ACTA1: variants seen among roughly 807,000 people sequenced by gnomAD.
ACTA1 encodes actin, alpha skeletal muscle.
In ACTA1, 25 loss-of-function variants were observed where a neutral mutation model predicts 35.8. The ratio of observed to expected loss-of-function variants is 0.70; its 90% CI spans 0.51 to 0.97. The LOEUF is 0.97. ACTA1 is among the 50% of genes least tolerant of loss of function. The probability of loss-of-function intolerance (pLI) is 0.00; values close to 1 mark genes in which losing one functional copy is unlikely to be tolerated. For missense variants in ACTA1, 174 were observed against 533.0 expected (o/e 0.33, Z 6.63); for synonymous variants, 219 against 217.1 (o/e 1.01, Z -0.08).
At position 229,431,778 on chromosome 1, in the gene ACTA1, G is replaced by C; in HGVS notation, c.933C>G (p.Ile311Met). ...MSGGTTMYPG[I>M]ADRMQKEITA... ...TGATCTCTTTCTGCATGCGGTCAGC[G>C]ATCCCAGGGTACATCGTGGTGCCCC... is the stretch of plus-strand genomic sequence containing the variant. Residue 311 changes from isoleucine (I) to methionine (M), a missense_variant, in exon 6 of 7, where the codon ATC becomes ATG. Transcript: ENST00000366684. The surrounding 1 kb of genome is among the most constrained non-coding windows in gnomAD (Gnocchi z 7.1). 1 of 1,614,206 alleles carries C rather than the reference G, an allele frequency of 6.2e-7. No individual in the cohort carries two copies. Among genetic ancestry groups the C allele is most frequent in the Non-Finnish European group, 8.5e-7 (1 of 1,180,030 alleles).
intron 3 of ACTA1, 54 bp from the exon 4 acceptor site, chr1:229,432,485 C>T (rs1571893500): frequency 1.3e-6 from 2 of 1,533,634 alleles, no homozygotes; most frequent in African/African-American, 1.5e-5. Flanking sequence ...AGGCTAGGCT[C>T]TCAGCGCTAG....
At position 229,433,360 on chromosome 1, in the gene ACTA1, C is replaced by A. The variant is rs915907435; in HGVS notation, c.-12-233G>T. On this transcript the variant is annotated intron_variant, in intron 1 of 6. Coordinates refer to ENST00000366684, the MANE Select transcript of ACTA1 (RefSeq NM_001100.4). ...GAAAAGGGGCACAGGGTCGCGAGAC[C>A]CCACTGAGAAGTCCTCTGTCCACAT... Among the ~76,000 whole-genome samples, 27 of 152,164 alleles carry A rather than the reference C, an allele frequency of 1.8e-4. 1 individual carries two copies. Among genetic ancestry groups the A allele is most frequent in the South Asian group, 1.0e-3 (5 of 4,832 alleles).
intron 1 of ACTA1, 49 bp from the exon 2 acceptor site, chr1:229,433,176 G>C: frequency 1.2e-6 from 2 of 1,604,372 alleles, no homozygotes; most frequent in Admixed American, 3.4e-5. Context: ...CAGCGCAGAA[G>C]TCTCAGCGGC....
In ACTA1 at chr1:229,432,109, C is replaced by A; in HGVS notation, c.693G>T (p.Thr231=). Residue 231 remains threonine (T), a synonymous_variant, in exon 5 of 7, where the codon ACG becomes ACT. Transcript: ENST00000366684. ...TTTCCAGGGAGGAGGAGGAGGCGGC[C>A]GTCGCCATCTCGTTCTCGAAGTCCA... The part of the protein sequence containing the change: ...VALDFENEMA[T]AASSSSLEKS... 1 of 1,613,250 alleles carries A rather than the reference C, an allele frequency of 6.2e-7. No individual in the cohort carries two copies. Among genetic ancestry groups the A allele is most frequent in the Non-Finnish European group, 8.5e-7 (1 of 1,179,914 alleles).
chr1:229,432,514 G>C, intron 3 of ACTA1, 42 bp downstream of exon 3: 3 of 1,449,752 alleles, frequency 2.1e-6, no homozygotes, highest in Non-Finnish European at 1.9e-6. Context: ...GCGGGGGCGG[G>C]GGCGGGGGCG....
chr1:229,433,188 G>A (rs6667660), intron 1 of ACTA1, 61 bp from the exon 2 acceptor site: 1 of 1,003,106 alleles, frequency 1.0e-6, no homozygotes, highest in Non-Finnish European at 1.3e-6. Context: ...CTCAGCGGCA[G>A]GGGGGGGTAA....
rs1571892022 is a variant in ACTA1 at position 229,431,367 on chromosome 1, C to T, written c.*132G>A. 4 of 1,203,844 alleles carry T rather than the reference C, an allele frequency of 3.3e-6. No homozygotes were observed. The Admixed American group carries it at 7.1e-5, about 21-fold the overall frequency. The allele number at this position is 1,203,844 out of a possible 1,614,324, so 74.6% of individuals were successfully genotyped here. On this transcript the variant is annotated 3_prime_UTR_variant, in exon 7 of 7. Transcript: ENST00000366684. The surrounding 1 kb of genome is among the most constrained non-coding windows in gnomAD (Gnocchi z 7.1). ...TTAATGTATGTACACGTTATAAACA[C>T]TGTGTCAGTTTACGATGGCAGCAAC...
chr1:229,433,094 T>C lies in ACTA1; in HGVS notation c.22A>G (p.Thr8Ala). MCDEDET[T>A]ALVCDNGSGL... ...GAGCCATTGTCGCACACGAGGGCGG[T>C]GGTCTCGTCTTCGTCGCACATTGTG... Residue 8 changes from threonine to alanine, a missense_variant, in exon 2 of 7, where the codon ACC becomes GCC. Thr to Ala is a moderately conservative substitution (Grantham distance 58). Coordinates refer to ENST00000366684, the MANE Select transcript of ACTA1 (RefSeq NM_001100.4). 1.2e-6 allele frequency: 2 copies of C among 1,614,092 alleles called. No individual in the cohort carries two copies. The highest frequency in any genetic ancestry group is 1.3e-5 in the African/African-American group (1 of 75,048).
Position 229,432,379 on chromosome 1 carries a change from CTCATAAATGGG to C in ACTA1, c.496_506del (p.Pro166GlyfsTer28). ...TGATGGCGTGCGGCAGCGCGTAGCC[CTCATAAATGGG>C]CACGTTGTGGGTGACGCCGTCGCCG... On this transcript the variant is annotated frameshift_variant, in exon 4 of 7. Coordinates refer to ENST00000366684, the MANE Select transcript of ACTA1 (RefSeq NM_001100.4). LOFTEE classifies it high-confidence loss of function. 1 of 1,613,566 alleles carries C rather than the reference CTCATAAATGGG, an allele frequency of 6.2e-7. No homozygotes were observed. Among genetic ancestry groups the C allele is most frequent in the Non-Finnish European group, 8.5e-7 (1 of 1,179,842 alleles).
At position 229,431,859 on chromosome 1, in the gene ACTA1, G is replaced by A; in HGVS notation, c.852C>T (p.Ile284=). The A allele has an allele frequency of 6.2e-7, 1 of 1,614,094 alleles. No homozygotes were observed. The highest frequency in any genetic ancestry group is 8.5e-7 in the Non-Finnish European group (1 of 1,179,992). The part of the protein sequence containing the change: ...AGIHETTYNS[I]MKCDIDIRKD... ...TCCTGATGTCGATGTCACACTTCAT[G>A]ATGCTGTTGTAGGTGGTCTCGTGAA... The change falls in exon 6 of 7, where the codon ATC becomes ATT. Residue 284 remains isoleucine (I), a synonymous_variant. Coordinates refer to ENST00000366684, the MANE Select transcript of ACTA1 (RefSeq NM_001100.4). The surrounding 1 kb of genome is among the most constrained non-coding windows in gnomAD (Gnocchi z 7.1).
rs11803533 is a variant in ACTA1 at position 229,432,885 on chromosome 1, A to G, written c.130-5T>C. The G allele has an allele frequency of 0.19, 310,485 of 1,613,794 alleles. 33,901 individuals are homozygous for G. Among genetic ancestry groups the G allele is most frequent in the African/African-American group, 0.47 (35,450 of 74,936 alleles). ...ACCCATACCGACCATGACGCCCTGC[A>G]GAGCCGAGACACCACGCACCCGTTA... On this transcript the variant is annotated splice_region_variant and splice_polypyrimidine_tract_variant and intron_variant, in intron 2 of 6. Transcript: ENST00000366684.
rs746125735 is a variant in ACTA1, at chr1:229,431,917, G to GA, written c.809-16_809-15insT. On this transcript the variant is annotated splice_polypyrimidine_tract_variant and intron_variant, in intron 5 of 6. Transcript: ENST00000366684. The surrounding 1 kb of genome is among the most constrained non-coding windows in gnomAD (Gnocchi z 7.1). ...CGACTCCATACCTGGGGACCGCGGC[G>GA]GGGAGCGTGAGCAGAAGCTCGGGGC... 1 of 1,610,052 alleles carries GA rather than the reference G, an allele frequency of 6.2e-7. No homozygotes were observed. The highest frequency in any genetic ancestry group is 8.5e-7 in the Non-Finnish European group (1 of 1,177,902).
intron 4 of ACTA1, 37 bp from the exon 5 acceptor site, chr1:229,432,222 AG>A: frequency 1.2e-6 from 2 of 1,612,662 alleles, no homozygotes; most frequent in Non-Finnish European, 1.7e-6. Context: ...GCCCTCACTC[AG>A]GGGCCGCCGC....
In ACTA1 at chr1:229,433,042, C is replaced by T; in HGVS notation, c.74G>A (p.Gly25Glu). Residue 25 changes from glycine (G) to glutamate (E), a missense_variant, in exon 2 of 7, where the codon GGG becomes GAG. By Grantham distance (98) the Gly-to-Glu change is moderately conservative. Transcript: ENST00000366684. ...GSGLVKAGFA[G>E]DDAPRAVFPS... ...GAACACGGCCCTAGGGGCGTCATCC[C>T]CGGCGAAGCCGGCTTTCACCAGGCC... The T allele has an allele frequency of 6.2e-7, 1 of 1,613,948 alleles. No homozygotes were observed. Among genetic ancestry groups the T allele is most frequent in the Non-Finnish European group, 8.5e-7 (1 of 1,179,890 alleles).
intron 3 of ACTA1, 39 bp downstream of exon 3, chr1:229,432,516 GC>G (rs1659969845): frequency 1.4e-6 from 2 of 1,454,134 alleles, no homozygotes; most frequent in Non-Finnish European, 1.8e-6. Context: ...GGGGGCGGGG[GC>G]GGGGGCGGGA....
At chr1:229,432,217 C>T (rs778314735) in intron 4 of ACTA1, 32 bp from the exon 5 acceptor site, 1 of 1,612,850 alleles carries the variant, frequency 6.2e-7, no homozygotes, top group East Asian at 2.2e-5. Context: ...GAGGAGCCCT[C>T]ACTCAGGGGC....
Position 229,431,913 on chromosome 1 carries a change from C to CGG in ACTA1, c.809-13_809-12dup, listed in dbSNP as rs201427429. On this transcript the variant is annotated splice_polypyrimidine_tract_variant and intron_variant, in intron 5 of 6. Transcript: ENST00000366684. This position sits in a 1 kb window ranked among gnomAD's most constrained non-coding sequence, Gnocchi z 7.1. ...CCGCCGACTCCATACCTGGGGACCG[C>CGG]GGCGGGGAGCGTGAGCAGAAGCTCG... The CGG allele has an allele frequency of 2.3e-4, 364 of 1,611,414 alleles. No individual in the cohort carries two copies. The highest frequency in any genetic ancestry group is 2.8e-4 in the Non-Finnish European group (330 of 1,178,760).
rs1219344108 is a variant in ACTA1 at position 229,432,489 on chromosome 1, G to A, written c.455-58C>T. 8.7e-6 allele frequency: 13 copies of A among 1,501,104 alleles called. No homozygotes were observed. The African/African-American group carries it at 1.8e-4, about 21-fold the overall frequency. 93.0% of individuals were successfully genotyped at this position (1,501,104 alleles called of 1,614,324 possible). A position where few individuals can be genotyped will look rare whatever the true frequency, so the allele number is the denominator to read the frequency against. On this transcript the variant is annotated intron_variant, in intron 3 of 6. Transcript: ENST00000366684. ...GGGCGAGGCCGAGGCTAGGCTCTCA[G>A]CGCTAGCGGCGGGGGCGGGGGCGGG...
chr1:229,433,228 C>T (rs1481441346), intron 1 of ACTA1, 101 bp from the exon 2 acceptor site: 2 of 1,519,308 alleles, frequency 1.3e-6, no homozygotes, highest in Non-Finnish European at 9.1e-7. Flanking sequence ...CCTCCCTCCC[C>T]AGGAACCTAG....
Sources: allele counts gnomAD v4.1 joint callset (sites outside exome capture counted in the v4.1 genomes callset), GRCh38; gene constraint gnomAD v4.1.1; non-coding constraint Gnocchi (gnomAD v3.1); transcripts MANE v1.5; gene names NCBI Gene and HGNC (gene_info 2026-07-23, HGNC 2026-07-21).